The following MYH11 variants were observed in gnomAD, a reference collection of about 807,000 sequenced individuals.
The protein encoded by MYH11 is myosin heavy chain 11, also known as myosin-11.
Under a neutral mutation model 246.6 loss-of-function variants are expected in MYH11, and 80 were observed. That is an observed-to-expected ratio of 0.32 (90% CI 0.27 to 0.39). MYH11 has a LOEUF of 0.39. MYH11 is among the 10% of genes least tolerant of loss of function. The pLI, the probability that MYH11 is intolerant of heterozygous loss-of-function variation, is 1.00. For synonymous variants in MYH11, 1,071 were observed against 1,015.5 expected (o/e 1.05, Z -1.04); for missense variants, 2,158 against 2,546.8 (o/e 0.85, Z 3.29).
chr16:15,737,263 C>T (rs1436861229), intron 25 of MYH11, among the ~76,000 whole-genome samples, 186 bp downstream of exon 25: 3 of 152,096 alleles, frequency 2.0e-5, no homozygotes, highest in Admixed American at 6.6e-5. Context: ...AGAAGAAAGT[C>T]GAAGGTGAGG....
intron 40 of MYH11, among the ~76,000 whole-genome samples, chr16:15,712,545 G>A (rs2039863032): frequency 6.6e-6 from 1 of 152,040 alleles, no homozygotes; most frequent in Non-Finnish European, 1.5e-5. Context: ...GCAGTGAGCT[G>A]AGATAGTGCT....
intron 2 of MYH11, among the ~76,000 whole-genome samples, chr16:15,827,026 A>G (rs980387239): frequency 5.3e-5 from 8 of 151,170 alleles, no homozygotes; most frequent in Non-Finnish European, 1.0e-4. Flanking sequence ...AAAAAAAGGA[A>G]ACAGGATTGA....
At chr16:15,799,459 T>C (rs2042830098) in intron 3 of MYH11, among the ~76,000 whole-genome samples, 1 of 152,140 alleles carries the variant, frequency 6.6e-6, no homozygotes, top group Non-Finnish European at 1.5e-5. Context: ...TGTGAGCTCC[T>C]CCATACTCCC....
Position 15,726,960 on chromosome 16 carries a change from T to A in MYH11, c.3746A>T (p.Glu1249Val), listed in dbSNP as rs929368464. The change falls in exon 28 of 41, where the codon GAG (glutamate) becomes GTG (valine). Residue 1249 changes from glutamate to valine, a missense_variant. By Grantham distance (121) the Glu-to-Val change is moderately radical. This residue lies in a region of MYH11 where 1,013 missense variants were observed against 993.5 expected (regional missense o/e 1.02). Transcript: ENST00000300036. Reference protein sequence around the residue: ...ELRVLGQAKQEVEHKKKKLEA... With the variant: ...ELRVLGQAKQVVEHKKKKLEA... ...CAGCTTCTTCTTCTTATGTTCCACC[T>A]CCTGCTTGGCCTGGCCCAGGACCCG... 8.1e-6 allele frequency: 13 copies of A among 1,613,450 alleles called. No individual in the cohort carries two copies. The highest frequency in any genetic ancestry group is 9.3e-6 in the Non-Finnish European group (11 of 1,180,020).
intron 28 of MYH11, chr16:15,726,090 G>A: frequency 5.6e-6 from 1 of 177,786 alleles, no homozygotes; most frequent in Non-Finnish European, 1.2e-5. Context: ...TGCTCCTTAG[G>A]GAAGCCTTTC....
intron 4 of MYH11, among the ~76,000 whole-genome samples, chr16:15,787,536 A>T (rs914402490): frequency 1.3e-4 from 18 of 137,334 alleles, no homozygotes; most frequent in Non-Finnish European, 6.1e-5. Flanking sequence ...AGGCTGGAGT[A>T]CAGTGGCACA....
chr16:15,776,209 A>G (rs1411971890), intron 7 of MYH11, 33 bp from the exon 8 acceptor site: 1 of 1,452,786 alleles, frequency 6.9e-7, no homozygotes, highest in Non-Finnish European at 9.7e-7. Context: ...TTCTGGGGAT[A>G]CTGCGGGTGT....
intron 26 of MYH11, among the ~76,000 whole-genome samples, chr16:15,734,566 G>A (rs891062419): frequency 6.6e-6 from 1 of 152,190 alleles, no homozygotes; most frequent in African/African-American, 2.4e-5. Context: ...CTCCCAAAGT[G>A]CTGAGATTAT....
intron 3 of MYH11, among the ~76,000 whole-genome samples, chr16:15,819,811 AG>A (rs1357147565): frequency 6.6e-6 from 1 of 152,196 alleles, no homozygotes; most frequent in Non-Finnish European, 1.5e-5. Flanking sequence ...GGTGTCAAAA[AG>A]GTTGGGGACT....
In MYH11 at chr16:15,724,778, G is replaced by A. The variant is rs764978285; in HGVS notation, c.3985C>T (p.Arg1329Trp). 9.3e-6 allele frequency: 15 copies of A among 1,613,898 alleles called. No individual in the cohort carries two copies. In the Admixed American group the frequency reaches 1.2e-4, roughly 13 times the overall value. ...TTCGTAGACACGTTGAGCTTCTGCC[G>A]GGTTTCTTCTTGAAGCAGCTCCTGC... is the stretch of plus-strand genomic sequence containing the variant. ...DTQELLQEETRQKLNVSTKLR... is the reference protein window; with the variant it reads ...DTQELLQEETWQKLNVSTKLR... The change falls in exon 30 of 41, where the codon CGG becomes TGG. Residue 1329 changes from arginine to tryptophan, a missense_variant. Arg to Trp is a moderately radical substitution (Grantham distance 101). Coordinates refer to ENST00000300036, the MANE Select transcript of MYH11 (RefSeq NM_002474.3).
At chr16:15,730,993 CT>C (rs879882000) in intron 27 of MYH11, among the ~76,000 whole-genome samples, 234 of 145,842 alleles carry the variant, frequency 1.6e-3, no homozygotes, top group Middle Eastern at 3.5e-3. Context: ...TTCCTCCAGT[CT>C]TTTTTTTTTT....
chr16:15,724,063 G>C lies in MYH11; in HGVS notation c.4365+98C>G, dbSNP rs527969792. 11 of 1,586,746 alleles carry C rather than the reference G, an allele frequency of 6.9e-6. No individual in the cohort carries two copies. In the Admixed American group the frequency reaches 1.2e-4, roughly 17 times the overall value. ...ATGGCTCCCCACAGAGTGGAGAGGG[G>C]ATGCAGGCACAGGCCAGAGCCACGC... is the stretch of plus-strand genomic sequence containing the variant. On this transcript the variant is annotated intron_variant, in intron 31 of 40. Coordinates refer to ENST00000300036, the MANE Select transcript of MYH11 (RefSeq NM_002474.3).
At chr16:15,849,887 A>C (rs1195436576) in intron 1 of MYH11, among the ~76,000 whole-genome samples, 1 of 151,950 alleles carries the variant, frequency 6.6e-6, no homozygotes, top group South Asian at 2.1e-4. Context: ...TGGGCCTTGT[A>C]TTTTTCATTT....
intron 3 of MYH11, among the ~76,000 whole-genome samples, chr16:15,811,469 T>A (rs1236360157): frequency 6.6e-6 from 1 of 152,054 alleles, no homozygotes; most frequent in Non-Finnish European, 1.5e-5. Flanking sequence ...GTGTGCTGAG[T>A]TTTCCCCATT....
At chr16:15,715,910 G>C (rs989548256) in intron 38 of MYH11, among the ~76,000 whole-genome samples, 5 of 152,142 alleles carry the variant, frequency 3.3e-5, no homozygotes, top group Non-Finnish European at 2.9e-5. Context: ...CAGATCACCT[G>C]TGGTCAGGAG....
At chr16:15,831,376 A>G (rs945351214) in intron 2 of MYH11, among the ~76,000 whole-genome samples, 1 of 152,064 alleles carries the variant, frequency 6.6e-6, no homozygotes, top group African/African-American at 2.4e-5. Context: ...GATAGTTATG[A>G]ACAGACAGAA....
chr16:15,793,796 A>AT (rs1339964401), intron 4 of MYH11, among the ~76,000 whole-genome samples: 39 of 126,720 alleles, frequency 3.1e-4, no homozygotes, highest in African/African-American at 9.7e-4. Context: ...ATTTTTTTGT[A>AT]TTTTTTTTAG....
At chr16:15,800,848 A>G (rs1253583615) in intron 3 of MYH11, among the ~76,000 whole-genome samples, 1 of 152,108 alleles carries the variant, frequency 6.6e-6, no homozygotes, top group Non-Finnish European at 1.5e-5. Context: ...TCCTCAAGAC[A>G]AAAGGCCTAA....
chr16:15,827,833 G>A (rs777371138), intron 2 of MYH11, among the ~76,000 whole-genome samples: 40 of 152,176 alleles, frequency 2.6e-4, no homozygotes, highest in South Asian at 4.1e-4. Flanking sequence ...CCAGGCCAGG[G>A]GCTATTTCCT....
Sources: gnomAD v4.1 joint callset for allele counts (sites outside exome capture counted in the v4.1 genomes callset) on GRCh38, gnomAD v4.1.1 for gene constraint, gnomAD v4.1.1 regional missense constraint, MANE v1.5 for transcripts, NCBI Gene and HGNC (gene_info 2026-07-23, HGNC 2026-07-21) for gene names.